Variants in MYRIP observed in about 807,000 individuals in gnomAD.
MYRIP encodes the protein myosin VIIA and Rab interacting protein.
A neutral mutation model predicts 98.0 loss-of-function variants in MYRIP; 49 were observed. The ratio of observed to expected loss-of-function variants is 0.50; its 90% confidence interval spans 0.40 to 0.63. MYRIP has a LOEUF of 0.63. Ranked by LOEUF, MYRIP falls within the 30% of genes least tolerant of loss-of-function variation. The pLI is 0.00. For synonymous variants in MYRIP, 404 were observed against 409.5 expected (o/e 0.99, Z 0.16); for missense variants, 1,004 against 1,058.2 (o/e 0.95, Z 0.71).
intron 3 of MYRIP, among the ~76,000 whole-genome samples, chr3:40,063,928 C>T (rs1349137824): frequency 6.6e-6 from 1 of 152,062 alleles, no homozygotes; most frequent in Non-Finnish European, 1.5e-5. Context: ...AACAACATGA[C>T]AAGTGTCCCA....
intron 1 of MYRIP, among the ~76,000 whole-genome samples, chr3:39,822,019 A>T (rs2125573618): frequency 6.6e-6 from 1 of 152,308 alleles, no homozygotes; most frequent in Non-Finnish European, 1.5e-5. Context: ...AGTATATGAA[A>T]GCCAATTTAT....
At chr3:40,010,799 G>C (rs1000672774) in intron 2 of MYRIP, among the ~76,000 whole-genome samples, 9 of 152,044 alleles carry the variant, frequency 5.9e-5, no homozygotes, top group Non-Finnish European at 1.5e-5. Flanking sequence ...TCTGGTTCTG[G>C]ACTTCTTGTG....
intron 2 of MYRIP, among the ~76,000 whole-genome samples, chr3:39,945,054 A>T (rs1944869263): frequency 6.6e-6 from 1 of 152,080 alleles, no homozygotes; most frequent in Admixed American, 6.6e-5. Flanking sequence ...GTCAGAGATG[A>T]CTTGGTTGAG....
intron 3 of MYRIP, among the ~76,000 whole-genome samples, chr3:40,048,666 A>G (rs892278225): frequency 1.3e-5 from 2 of 151,970 alleles, no homozygotes; most frequent in Non-Finnish European, 2.9e-5. Context: ...TTTCTGTTTG[A>G]TTATTTAGTT....
intron 2 of MYRIP, among the ~76,000 whole-genome samples, chr3:40,036,324 A>AACAAAAC (rs1553607293): frequency 0.028 from 3,503 of 125,348 alleles, 60 homozygotes; most frequent in East Asian, 0.11. Context: ...AAAAAAAAAA[A>AACAAAAC]CTTTATTCAA....
At chr3:39,868,557 A>G (rs1027170074) in intron 1 of MYRIP, among the ~76,000 whole-genome samples, 2 of 152,112 alleles carry the variant, frequency 1.3e-5, no homozygotes, top group African/African-American at 4.8e-5. Context: ...ATGCTAGGTA[A>G]TATGCTTTAT....
At chr3:40,177,465 A>G (rs1424910650) in intron 8 of MYRIP, among the ~76,000 whole-genome samples, 1 of 152,220 alleles carries the variant, frequency 6.6e-6, no homozygotes, top group Non-Finnish European at 1.5e-5. Context: ...GGCTTAAGAA[A>G]TAACCATGCA....
rs1945842936 is a variant in MYRIP, at chr3:39,979,683, G to A, written c.111-64367G>A. Among the ~76,000 whole-genome samples, 4 of 150,062 alleles carry A rather than the reference G, an allele frequency of 2.7e-5. No individual in the cohort carries two copies. The South Asian group carries it at 8.5e-4, about 32-fold the overall frequency. Reference sequence around the variant, plus strand: ...AAAAAAAAAAACAAAAAAAAACTAAGCAGCTGACTTGGCAGTTGTGGTCAA... The same window carrying A: ...AAAAAAAAAAACAAAAAAAAACTAAACAGCTGACTTGGCAGTTGTGGTCAA... On this transcript the variant is annotated intron_variant, in intron 2 of 16. Transcript: ENST00000302541.
At chr3:39,900,587 T>C (rs927944767) in intron 1 of MYRIP, among the ~76,000 whole-genome samples, 200 bp from the exon 2 acceptor site, 1 of 152,170 alleles carries the variant, frequency 6.6e-6, no homozygotes, top group Non-Finnish European at 1.5e-5. Flanking sequence ...AACTGGCAAA[T>C]GACCCATTAT....
At chr3:40,001,650 T>C (rs1351379996) in intron 2 of MYRIP, among the ~76,000 whole-genome samples, 1 of 152,126 alleles carries the variant, frequency 6.6e-6, no homozygotes, top group Non-Finnish European at 1.5e-5. Context: ...GTGCTGGGAT[T>C]AGAGGGGTGA....
At chr3:40,195,016 TA>T (rs1159788723) in intron 10 of MYRIP, among the ~76,000 whole-genome samples, 1 of 152,234 alleles carries the variant, frequency 6.6e-6, no homozygotes, top group Non-Finnish European at 1.5e-5. Flanking sequence ...TCTTTTCCTA[TA>T]ATGTATACTT....
chr3:39,954,102 A>C (rs2125721637), intron 2 of MYRIP, among the ~76,000 whole-genome samples: 1 of 152,290 alleles, frequency 6.6e-6, no homozygotes, highest in South Asian at 2.1e-4. Context: ...GCTAAACAAA[A>C]GGCAGCAGAA....
chr3:40,189,816 C>A lies in MYRIP; in HGVS notation c.1028-10C>A. On this transcript the variant is annotated splice_polypyrimidine_tract_variant and intron_variant, in intron 9 of 16. Coordinates refer to ENST00000302541, the MANE Select transcript of MYRIP (RefSeq NM_015460.4). ...CCCCTCTCTGCTTTCTCTATCCTCT[C>A]CATCCACAGACCTGGCCCCAGTTTT... The A allele has an allele frequency of 6.3e-7, 1 of 1,598,982 alleles. No individual in the cohort carries two copies. The highest frequency in any genetic ancestry group is 8.5e-7 in the Non-Finnish European group (1 of 1,173,520).
intron 2 of MYRIP, among the ~76,000 whole-genome samples, chr3:39,941,605 C>T (rs1341565639): frequency 6.6e-6 from 1 of 151,622 alleles, no homozygotes; most frequent in African/African-American, 2.4e-5. Context: ...CCTCACTTAA[C>T]ATTATATTAA....
At chr3:40,228,647 G>A (rs913285953) in intron 11 of MYRIP, among the ~76,000 whole-genome samples, 5 of 152,132 alleles carry the variant, frequency 3.3e-5, no homozygotes, top group African/African-American at 9.7e-5. Context: ...TCTTGTTATA[G>A]GTGTTGGAAC....
intron 3 of MYRIP, among the ~76,000 whole-genome samples, chr3:40,109,470 A>C (rs1949116157): frequency 1.3e-5 from 2 of 152,218 alleles, no homozygotes; most frequent in Admixed American, 1.3e-4. Context: ...AGATGAGCCC[A>C]GAGCCATTGC....
chr3:40,133,412 G>C (rs1575563739), intron 3 of MYRIP, among the ~76,000 whole-genome samples: 1 of 152,164 alleles, frequency 6.6e-6, no homozygotes, highest in African/African-American at 2.4e-5. Flanking sequence ...GACCAATCAT[G>C]GGCCCTTCTC....
At chr3:39,831,560 T>C (rs1416518881) in intron 1 of MYRIP, among the ~76,000 whole-genome samples, 1 of 152,232 alleles carries the variant, frequency 6.6e-6, no homozygotes, top group African/African-American at 2.4e-5. Flanking sequence ...TTTTTAATAC[T>C]TATTTTTGAA....
intron 3 of MYRIP, among the ~76,000 whole-genome samples, chr3:40,055,157 A>G (rs949195454): frequency 6.6e-6 from 1 of 152,178 alleles, no homozygotes; most frequent in Non-Finnish European, 1.5e-5. Context: ...GCCTTTAGGC[A>G]TTTCCTTAGC....
Sources: gnomAD v4.1 joint callset for allele counts (sites outside exome capture counted in the v4.1 genomes callset) on GRCh38, gnomAD v4.1.1 for gene constraint, MANE v1.5 for transcripts, NCBI Gene and HGNC (gene_info 2026-07-23, HGNC 2026-07-21) for gene names.